The following CAMK1D variants were observed in gnomAD, a reference collection of about 807,000 sequenced individuals.
CAMK1D encodes calcium/calmodulin dependent protein kinase ID.
Under a neutral mutation model 47.7 loss-of-function variants are expected in CAMK1D, and 9 were observed. The ratio of observed to expected loss-of-function variants is 0.19; its 90% CI spans 0.11 to 0.33. CAMK1D has a LOEUF of 0.33. Ranked by LOEUF, CAMK1D falls within the 10% of genes least tolerant of loss-of-function variation. CAMK1D has a pLI of 1.00. For synonymous variants in CAMK1D, 184 were observed against 184.9 expected (o/e 0.99, Z 0.04); for missense variants, 291 against 488.7 (o/e 0.60, Z 3.81).
At chr10:12,705,772 G>A (rs1051178924) in intron 3 of CAMK1D, among the ~76,000 whole-genome samples, 1 of 152,220 alleles carries the variant, frequency 6.6e-6, no homozygotes, top group Non-Finnish European at 1.5e-5. Flanking sequence ...GAAGTATGAT[G>A]GATGGTTCGT....
chr10:12,735,901 G>A (rs1835165994), intron 3 of CAMK1D, among the ~76,000 whole-genome samples: 1 of 152,088 alleles, frequency 6.6e-6, no homozygotes, highest in Admixed American at 6.5e-5. Flanking sequence ...GCAAAGGAAA[G>A]AGAAGGATAA....
intron 3 of CAMK1D, among the ~76,000 whole-genome samples, chr10:12,677,457 A>G (rs568235828): frequency 6.6e-6 from 1 of 152,306 alleles, no homozygotes; most frequent in South Asian, 2.1e-4. Flanking sequence ...GGATACAGAC[A>G]AGACACAATC....
chr10:12,567,839 A>G (rs1011086375), intron 2 of CAMK1D, among the ~76,000 whole-genome samples: 3 of 152,128 alleles, frequency 2.0e-5, no homozygotes, highest in Non-Finnish European at 4.4e-5. Flanking sequence ...TGCAAATTTC[A>G]GAGAGTGCCT....
At chr10:12,399,313 G>A (rs971810682) in intron 1 of CAMK1D, among the ~76,000 whole-genome samples, 1 of 152,118 alleles carries the variant, frequency 6.6e-6, no homozygotes, top group Non-Finnish European at 1.5e-5. Context: ...GGACCAGCCT[G>A]GCCAACATGG....
intron 7 of CAMK1D, 97 bp from the exon 8 acceptor site, chr10:12,816,153 C>T (rs1832783386): frequency 1.1e-6 from 1 of 893,512 alleles, no homozygotes; most frequent in African/African-American, 1.7e-5. Flanking sequence ...TCATATTTTT[C>T]ATGCTACACA....
intron 2 of CAMK1D, among the ~76,000 whole-genome samples, chr10:12,642,825 T>G (rs1321229177): frequency 1.3e-5 from 2 of 152,208 alleles, no homozygotes; most frequent in African/African-American, 4.8e-5. Flanking sequence ...GGAAATATTC[T>G]GTAAAGAAAA....
intron 1 of CAMK1D, among the ~76,000 whole-genome samples, chr10:12,387,237 A>G (rs1326562020): frequency 6.7e-6 from 1 of 148,622 alleles, no homozygotes; most frequent in Non-Finnish European, 1.5e-5. Flanking sequence ...TACATATTTC[A>G]TTTTACAATT....
At chr10:12,777,186 G>A (rs895503165) in intron 5 of CAMK1D, among the ~76,000 whole-genome samples, 1 of 152,100 alleles carries the variant, frequency 6.6e-6, no homozygotes, top group South Asian at 2.1e-4. Context: ...AGAGGTCAGG[G>A]GGACAAGCTG....
chr10:12,562,717 C>T (rs780798275), intron 2 of CAMK1D, among the ~76,000 whole-genome samples: 8 of 152,202 alleles, frequency 5.3e-5, no homozygotes, highest in Non-Finnish European at 1.0e-4. Flanking sequence ...GCCCTTCCCT[C>T]TGAGATTCCA....
intron 1 of CAMK1D, among the ~76,000 whole-genome samples, chr10:12,390,106 C>T (rs572726871): frequency 6.6e-6 from 1 of 152,202 alleles, no homozygotes; most frequent in South Asian, 2.1e-4. Flanking sequence ...CCTGTGTCTC[C>T]CATATTTTTA....
At chr10:12,521,078 T>C (rs1835401592) in intron 1 of CAMK1D, among the ~76,000 whole-genome samples, 1 of 152,194 alleles carries the variant, frequency 6.6e-6, no homozygotes. Flanking sequence ...AGCTTATAGT[T>C]TGATTGATTT....
At chr10:12,749,150 T>C (rs906343561) in intron 3 of CAMK1D, among the ~76,000 whole-genome samples, 1 of 152,196 alleles carries the variant, frequency 6.6e-6, no homozygotes, top group Admixed American at 6.5e-5. Flanking sequence ...GCGTGATGCC[T>C]GGGAGCTATT....
chr10:12,826,846 C>CT (rs776873680), intron 10 of CAMK1D, among the ~76,000 whole-genome samples: 254 of 152,386 alleles, frequency 1.7e-3, no homozygotes, highest in Non-Finnish European at 2.7e-3. Context: ...CGATGGATCC[C>CT]TTCTTTACAG....
In CAMK1D at chr10:12,832,901, A is replaced by T. The variant is rs1833442186; in HGVS notation, c.*4014A>T. The T allele has an allele frequency of 6.6e-6, 1 of 152,438 alleles. No homozygotes were observed. Among genetic ancestry groups the T allele is most frequent in the African/African-American group, 2.4e-5 (1 of 41,462 alleles). 9.4% of individuals were successfully genotyped at this position (152,438 alleles called of 1,614,324 possible). ...GGCGGGCAGATCACAAGGTCAAGAG[A>T]TCAAGACCATTCTGGCCAACATGGT... On this transcript the variant is annotated 3_prime_UTR_variant, in exon 11 of 11. Transcript: ENST00000619168.
chr10:12,495,547 TTTAGCTC>T (rs1834513123), intron 1 of CAMK1D, among the ~76,000 whole-genome samples: 1 of 152,234 alleles, frequency 6.6e-6, no homozygotes. Flanking sequence ...GCACAAAACA[TTTAGCTC>T]TCTAAGAAAT....
chr10:12,599,851 A>G (rs542707785), intron 2 of CAMK1D, among the ~76,000 whole-genome samples: 1 of 152,266 alleles, frequency 6.6e-6, no homozygotes, highest in Non-Finnish European at 1.5e-5. Context: ...ATCATCAGCT[A>G]GAGGATTGTT....
intron 2 of CAMK1D, among the ~76,000 whole-genome samples, chr10:12,614,254 CTT>C (rs1838715044): frequency 6.6e-6 from 1 of 152,142 alleles, no homozygotes; most frequent in African/African-American, 2.4e-5. Context: ...CTTGGAAGCC[CTT>C]CACACACACA....
In CAMK1D at chr10:12,831,427, T is replaced by C. The variant is rs1398720200; in HGVS notation, c.*2540T>C. On this transcript the variant is annotated 3_prime_UTR_variant, in exon 11 of 11. Transcript: ENST00000619168. ...ATGAATAGCCCTTTGTGCTGTGTGC[T>C]ATATACAACCATTTGCATTCAGAAA... The C allele has an allele frequency of 6.6e-6, 1 of 152,244 alleles. No individual in the cohort carries two copies. Among genetic ancestry groups the C allele is most frequent in the Non-Finnish European group, 1.5e-5 (1 of 68,044 alleles). The allele number at this position is 152,244 out of a possible 1,614,324, so 9.4% of individuals were successfully genotyped here. A position where few individuals can be genotyped will look rare whatever the true frequency, so the allele number is the denominator to read the frequency against.
In CAMK1D at chr10:12,834,936, C is replaced by G. The variant is rs1169311510; in HGVS notation, c.*6049C>G. 1 of 152,188 alleles carries G rather than the reference C, an allele frequency of 6.6e-6. No individual in the cohort carries two copies. Among genetic ancestry groups the G allele is most frequent in the Non-Finnish European group, 1.5e-5 (1 of 68,038 alleles). The allele number at this position is 152,188 out of a possible 1,614,324, so 9.4% of individuals were successfully genotyped here. On this transcript the variant is annotated 3_prime_UTR_variant, in exon 11 of 11. Transcript: ENST00000619168. ...AGAACATCAGCTCGGATGTTTGTCT[C>G]TCAGCCCTGACACCTGCCACTCTCC...
Sources: allele counts gnomAD v4.1 joint callset (sites outside exome capture counted in the v4.1 genomes callset), GRCh38; gene constraint gnomAD v4.1.1; transcripts MANE v1.5; gene names NCBI Gene and HGNC (gene_info 2026-07-23, HGNC 2026-07-21).